The following PAPPA2 variants were observed in gnomAD, a reference collection of about 807,000 sequenced individuals.
PAPPA2 encodes the protein pappalysin 2.
PAPPA2 carries 86 observed loss-of-function variants against 176.4 expected under a neutral mutation model. That is an observed-to-expected ratio of 0.49 (90% CI 0.41 to 0.58). The LOEUF (loss-of-function observed/expected upper bound fraction) is 0.58. Ranked by LOEUF, PAPPA2 falls within the 20% of genes least tolerant of loss-of-function variation. The pLI, the probability that PAPPA2 is intolerant of heterozygous loss-of-function variation, is 0.00. For missense variants in PAPPA2, 2,073 were observed against 2,256.9 expected, an observed-to-expected ratio of 0.92 and a Z score of 1.65; for synonymous variants, 809 against 852.2, an observed-to-expected ratio of 0.95 and a Z score of 0.88.
chr1:176,714,473 T>TTAA (rs1300299826), intron 12 of PAPPA2, among the ~76,000 whole-genome samples: 2 of 151,838 alleles, frequency 1.3e-5, no homozygotes, highest in Non-Finnish European at 2.9e-5. Flanking sequence ...TATCAGGTAT[T>TTAA]ATTAAACACC....
intron 14 of PAPPA2, among the ~76,000 whole-genome samples, chr1:176,764,596 C>CTTT (rs1214683318): frequency 8.1e-5 from 11 of 136,116 alleles, no homozygotes; most frequent in African/African-American, 2.2e-4. Context: ...CCAGTGTATT[C>CTTT]TTTTTTTTTT....
chr1:176,559,354 C>A (rs1651526143), intron 2 of PAPPA2, among the ~76,000 whole-genome samples: 1 of 152,330 alleles, frequency 6.6e-6, no homozygotes, highest in East Asian at 1.9e-4. Flanking sequence ...CTCATCTCCA[C>A]TTACCACTCT....
chr1:176,494,980 C>G (rs1379788382), intron 1 of PAPPA2, among the ~76,000 whole-genome samples: 1 of 152,134 alleles, frequency 6.6e-6, no homozygotes, highest in African/African-American at 2.4e-5. Context: ...CCATCTTACT[C>G]TTTGATTTTT....
chr1:176,493,931 GC>G (rs1039838203), intron 1 of PAPPA2, among the ~76,000 whole-genome samples: 51 of 152,220 alleles, frequency 3.4e-4, no homozygotes, highest in African/African-American at 1.2e-3. Context: ...TGGATTATTG[GC>G]CTGGCTCAAT....
At chr1:176,685,929 T>C (rs1289059572) in intron 4 of PAPPA2, among the ~76,000 whole-genome samples, 2 of 152,242 alleles carry the variant, frequency 1.3e-5, no homozygotes, top group African/African-American at 4.8e-5. Flanking sequence ...ACCAAATAAA[T>C]TTAATGTCTT....
intron 12 of PAPPA2, among the ~76,000 whole-genome samples, chr1:176,718,708 TAAA>T (rs536900960): frequency 2.1e-5 from 3 of 145,676 alleles, no homozygotes; most frequent in African/African-American, 7.5e-5. Context: ...CTTTTTTTTT[TAAA>T]AAAAAAAAAC....
At chr1:176,792,349 G>A (rs1032550169) in intron 19 of PAPPA2, among the ~76,000 whole-genome samples, 7 of 152,146 alleles carry the variant, frequency 4.6e-5, no homozygotes, top group Admixed American at 2.6e-4. Context: ...TAATTTTATC[G>A]GACATTCTAA....
chr1:176,740,805 C>T (rs1662645548), intron 14 of PAPPA2, among the ~76,000 whole-genome samples: 1 of 152,088 alleles, frequency 6.6e-6, no homozygotes, highest in Non-Finnish European at 1.5e-5. Context: ...AGGAGCCTCC[C>T]AAACACAATA....
Position 176,481,018 on chromosome 1 carries a change from C to T in PAPPA2, c.-917+17600C>T, listed in dbSNP as rs543122202. On this transcript the variant is annotated intron_variant, in intron 1 of 22. Coordinates refer to ENST00000367662, the MANE Select transcript of PAPPA2 (RefSeq NM_020318.3). ...CTTTCCTCTTGTCACCTCGTTCTGC[C>T]CTTGGCCTACCTGCACCACCCACTC... Among the ~76,000 whole-genome samples the T allele has an allele frequency of 2.6e-5, 4 of 152,234 alleles. No homozygotes were observed. The South Asian group carries it at 8.3e-4, about 32-fold the overall frequency.
At chr1:176,720,323 A>C (rs1661560221) in intron 12 of PAPPA2, among the ~76,000 whole-genome samples, 1 of 152,096 alleles carries the variant, frequency 6.6e-6, no homozygotes, top group South Asian at 2.1e-4. Context: ...GTCTTCTTTC[A>C]TCCTATTACT....
At chr1:176,500,269 A>G (rs1426761616) in intron 1 of PAPPA2, among the ~76,000 whole-genome samples, 3 of 152,152 alleles carry the variant, frequency 2.0e-5, no homozygotes, top group East Asian at 3.9e-4. Flanking sequence ...TATTTCAAAA[A>G]TAAGAAAAAC....
At chr1:176,497,914 A>T (rs1192496761) in intron 1 of PAPPA2, among the ~76,000 whole-genome samples, 1 of 152,084 alleles carries the variant, frequency 6.6e-6, no homozygotes, top group Admixed American at 6.5e-5. Flanking sequence ...CACAGACTAA[A>T]TATGCATCTT....
intron 3 of PAPPA2, among the ~76,000 whole-genome samples, chr1:176,623,944 G>A (rs994297803): frequency 7.3e-5 from 11 of 151,358 alleles, no homozygotes; most frequent in East Asian, 3.9e-4. Context: ...AGGATCAAGC[G>A]ATCCTCCTAC....
intron 3 of PAPPA2, among the ~76,000 whole-genome samples, chr1:176,628,845 G>C (rs921338728): frequency 6.6e-6 from 1 of 152,162 alleles, no homozygotes; most frequent in Non-Finnish European, 1.5e-5. Flanking sequence ...GATAAAGTTC[G>C]ATCTTTCTTT....
At chr1:176,794,301 C>T (rs1665326106) in intron 20 of PAPPA2, among the ~76,000 whole-genome samples, 1 of 152,194 alleles carries the variant, frequency 6.6e-6, no homozygotes, top group Non-Finnish European at 1.5e-5. Flanking sequence ...GAGCCTCTGT[C>T]TGCTCACCTG....
chr1:176,792,595 TAA>T (rs1174415341), intron 19 of PAPPA2, among the ~76,000 whole-genome samples: 1 of 152,190 alleles, frequency 6.6e-6, no homozygotes, highest in Non-Finnish European at 1.5e-5. Context: ...TTGATTGTTT[TAA>T]AAGTCACTGA....
intron 1 of PAPPA2, among the ~76,000 whole-genome samples, chr1:176,537,608 G>A (rs753684083): frequency 6.6e-6 from 1 of 152,148 alleles, no homozygotes; most frequent in African/African-American, 2.4e-5. Context: ...CAAGTCCTCT[G>A]TTCTAAAACT....
intron 3 of PAPPA2, among the ~76,000 whole-genome samples, chr1:176,669,042 C>T (rs935279690): frequency 6.6e-6 from 1 of 151,806 alleles, no homozygotes; most frequent in African/African-American, 2.4e-5. Flanking sequence ...GGATGGTGTC[C>T]AAGACTGGTA....
At position 176,690,164 on chromosome 1, in the gene PAPPA2, A is replaced by T. The variant is rs776736871; in HGVS notation, c.2165A>T (p.Tyr722Phe). ...GGCATTGTCCTCAGCCCAGCATATTATGGGATGCCTGGCCACACCGACACC... is the reference window on the plus strand; with the variant it reads ...GGCATTGTCCTCAGCCCAGCATATTTTGGGATGCCTGGCCACACCGACACC... The part of the protein sequence containing the change: ...LGGIVLSPAY[Y>F]GMPGHTDTMI... Residue 722 changes from tyrosine to phenylalanine, a missense_variant, in exon 5 of 23, where the codon TAT (tyrosine) becomes TTT (phenylalanine). Coordinates refer to ENST00000367662, the MANE Select transcript of PAPPA2 (RefSeq NM_020318.3). 3.7e-6 allele frequency: 6 copies of T among 1,613,154 alleles called. No homozygotes were observed. In the African/African-American group the frequency reaches 5.3e-5, roughly 14 times the overall value.
Sources: gnomAD v4.1 joint callset for allele counts (sites outside exome capture counted in the v4.1 genomes callset) on GRCh38, gnomAD v4.1.1 for gene constraint, MANE v1.5 for transcripts, NCBI Gene and HGNC (gene_info 2026-07-23, HGNC 2026-07-21) for gene names.